The following GIGYF2 variants were observed in gnomAD, a reference collection of about 807,000 sequenced individuals.
GIGYF2 encodes the protein GRB10 interacting GYF protein 2.
In GIGYF2, 25 loss-of-function variants were observed where a neutral mutation model predicts 208.1. The ratio of observed to expected loss-of-function variants is 0.12; its 90% CI spans 0.09 to 0.17. The LOEUF (loss-of-function observed/expected upper bound fraction) is 0.17, where lower values mean the gene tolerates loss of function less well. Among genes scored for constraint, GIGYF2 ranks in the 10% least tolerant of loss-of-function variants. The pLI is 1.00. For missense variants in GIGYF2, 1,302 were observed against 1,579.4 expected, an observed-to-expected ratio of 0.82 and a Z score of 2.98; for synonymous variants, 534 against 543.8, an observed-to-expected ratio of 0.98 and a Z score of 0.25.
intron 18 of GIGYF2, among the ~76,000 whole-genome samples, chr2:232,814,226 A>T (rs912354687): frequency 6.6e-6 from 1 of 151,790 alleles, no homozygotes; most frequent in Non-Finnish European, 1.5e-5. Flanking sequence ...TAACACAAAC[A>T]TTTTTTTCAT....
chr2:232,828,287 C>T (rs564595885), intron 21 of GIGYF2, among the ~76,000 whole-genome samples: 1 of 152,196 alleles, frequency 6.6e-6, no homozygotes, highest in Admixed American at 6.5e-5. Context: ...GTGCCTAGCC[C>T]CTTACTTATA....
chr2:232,791,201 T>A lies in GIGYF2; in HGVS notation c.1093+31T>A, dbSNP rs1017550090. On this transcript the variant is annotated intron_variant, in intron 11 of 28. Transcript: ENST00000373563. ...GCCTCTTCTTGCCCTTTGCCTTTTTTTTCCTCCATCAAACCAAAACTTTCG... is the reference window on the plus strand; with the variant it reads ...GCCTCTTCTTGCCCTTTGCCTTTTTATTCCTCCATCAAACCAAAACTTTCG... The A allele has an allele frequency of 2.5e-6, 4 of 1,613,924 alleles. No homozygotes were observed. The African/African-American group carries it at 4.0e-5, about 16-fold the overall frequency.
At chr2:232,803,680 T>TGTCCCATAGATCACTGTCTC (rs1191891760) in intron 14 of GIGYF2, among the ~76,000 whole-genome samples, 52,797 of 94,160 alleles carry the variant, frequency 0.56, 21,051 homozygotes, top group South Asian at 0.81. Context: ...GCTTCTTTTT[T>TGTCCCATAGATCACTGTCTC]TTTTTTTTTT....
At chr2:232,750,484 T>G (rs976352629) in intron 5 of GIGYF2, among the ~76,000 whole-genome samples, 2 of 152,238 alleles carry the variant, frequency 1.3e-5, no homozygotes, top group African/African-American at 4.8e-5. Flanking sequence ...ATTTTCCGCC[T>G]TTTAATACAA....
intron 22 of GIGYF2, among the ~76,000 whole-genome samples, chr2:232,835,763 G>A (rs1443095620): frequency 6.6e-6 from 1 of 152,130 alleles, no homozygotes; most frequent in African/African-American, 2.4e-5. Context: ...GTGACTCCGA[G>A]GTGACCGTGG....
chr2:232,765,730 A>G (rs568786303), intron 8 of GIGYF2: 2 of 308,172 alleles, frequency 6.5e-6, no homozygotes, highest in South Asian at 5.5e-5. Flanking sequence ...AAATTAGTGT[A>G]TTTTGGTATG....
intron 2 of GIGYF2, among the ~76,000 whole-genome samples, chr2:232,731,453 G>T (rs1697492401): frequency 1.3e-5 from 2 of 152,094 alleles, no homozygotes; most frequent in Non-Finnish European, 2.9e-5. Flanking sequence ...AAAACATTTG[G>T]CTAGATGGGG....
chr2:232,738,073 C>T (rs982096303), intron 3 of GIGYF2, among the ~76,000 whole-genome samples: 43 of 151,804 alleles, frequency 2.8e-4, no homozygotes, highest in Admixed American at 5.9e-4. Context: ...CCCACCACCA[C>T]GCCCAGCTGA....
intron 18 of GIGYF2, among the ~76,000 whole-genome samples, chr2:232,813,845 A>G (rs984412396): frequency 2.7e-5 from 4 of 150,866 alleles, no homozygotes; most frequent in Non-Finnish European, 5.9e-5. Context: ...TTCAAAATCT[A>G]AAACTTTTTG....
In GIGYF2 at chr2:232,748,998, C is replaced by T. The variant is rs1698247877; in HGVS notation, c.183C>T (p.Asp61=). 5 of 1,561,382 alleles carry T rather than the reference C, an allele frequency of 3.2e-6. No individual in the cohort carries two copies. The East Asian group carries it at 1.1e-4, about 35-fold the overall frequency. The change falls in exon 5 of 29, where the codon GAC becomes GAT. Residue 61 remains aspartate, a synonymous_variant. Transcript: ENST00000373563. ...GTTTGGTCCTACAGATACCTTCAGA[C>T]CTTCTGGATAAAGAATTTCTGCCTA... is the stretch of plus-strand genomic sequence containing the variant. ...LFLKDNKIPS[D]LLDKEFLPIL...
At chr2:232,760,693 A>G in intron 7 of GIGYF2, 102 bp downstream of exon 7, 2 of 733,236 alleles carry the variant, frequency 2.7e-6, no homozygotes, top group Non-Finnish European at 4.9e-6. Context: ...AAAGGGTTTC[A>G]TTTTAAAAAA....
chr2:232,855,080 C>CTTTTTTTTTTTTT (rs201395041), intron 28 of GIGYF2, among the ~76,000 whole-genome samples: 2 of 109,190 alleles, frequency 1.8e-5, no homozygotes, highest in Non-Finnish European at 3.5e-5. Context: ...CTTTTTCTTT[C>CTTTTTTTTTTTTT]TTTTTTTTTT....
intron 8 of GIGYF2, among the ~76,000 whole-genome samples, chr2:232,779,585 A>T (rs1358403497): frequency 6.6e-6 from 1 of 152,186 alleles, no homozygotes; most frequent in Non-Finnish European, 1.5e-5. Context: ...CACATGTCCA[A>T]GCCAACTACG....
intron 2 of GIGYF2, among the ~76,000 whole-genome samples, chr2:232,727,730 A>T (rs1442949576): frequency 1.3e-5 from 2 of 152,042 alleles, no homozygotes; most frequent in African/African-American, 4.8e-5. Context: ...TTCTTTCTTG[A>T]GATTTCTGCT....
In GIGYF2 at chr2:232,751,437, A is replaced by G. The variant is rs190799132; in HGVS notation, c.267+2355A>G. On this transcript the variant is annotated intron_variant, in intron 5 of 28. Coordinates refer to ENST00000373563, the MANE Select transcript of GIGYF2 (RefSeq NM_001103146.3). ...ACCATGTTGGTCAGGCTGGTCTCAA[A>G]CTTCCTGAGCTCAAGTGAATCCTCC... is the stretch of plus-strand genomic sequence containing the variant. Among the ~76,000 whole-genome samples, 581 of 152,032 alleles carry G rather than the reference A, an allele frequency of 3.8e-3. 3 individuals are homozygous for G. The highest frequency in any genetic ancestry group is 8.7e-3 in the South Asian group (42 of 4,806).
intron 14 of GIGYF2, among the ~76,000 whole-genome samples, chr2:232,803,422 A>G (rs550021464): frequency 2.0e-5 from 3 of 152,140 alleles, no homozygotes; most frequent in Admixed American, 6.5e-5. Context: ...TTAGATGCCA[A>G]TGGTTTTTTT....
At chr2:232,854,981 A>G (rs1170808138) in intron 28 of GIGYF2, among the ~76,000 whole-genome samples, 1 of 152,090 alleles carries the variant, frequency 6.6e-6, no homozygotes, top group Non-Finnish European at 1.5e-5. Flanking sequence ...GGCATTGTTC[A>G]TCATTTTTAT....
chr2:232,744,639 CT>C (rs891193951), intron 3 of GIGYF2, among the ~76,000 whole-genome samples: 1 of 151,586 alleles, frequency 6.6e-6, no homozygotes, highest in Non-Finnish European at 1.5e-5. Flanking sequence ...TCGAGCAGTC[CT>C]CCCACCTCAG....
intron 2 of GIGYF2, among the ~76,000 whole-genome samples, chr2:232,725,532 A>G (rs1224375978): frequency 6.6e-6 from 1 of 152,198 alleles, no homozygotes; most frequent in Non-Finnish European, 1.5e-5. Flanking sequence ...CAAAGAATCT[A>G]TGTCAAATTA....
Sources: allele counts gnomAD v4.1 joint callset (sites outside exome capture counted in the v4.1 genomes callset), GRCh38; gene constraint gnomAD v4.1.1; transcripts MANE v1.5; gene names NCBI Gene and HGNC (gene_info 2026-07-23, HGNC 2026-07-21).